DNAH11: variants seen among roughly 807,000 people sequenced by gnomAD.
The protein encoded by DNAH11 is dynein axonemal heavy chain 11.
A neutral mutation model predicts 526.0 loss-of-function variants in DNAH11; 442 were observed. The observed-to-expected ratio is 0.84, with a 90% CI of 0.78 to 0.91. DNAH11 has a LOEUF of 0.91. DNAH11 is among the 40% of genes least tolerant of loss of function. DNAH11 has a pLI of 0.00. For missense variants in DNAH11, 6,989 were observed against 5,448.7 expected, an observed-to-expected ratio of 1.28 and a Z score of -8.90; for synonymous variants, 2,461 against 1,935.9, an observed-to-expected ratio of 1.27 and a Z score of -7.12.
At position 21,543,582 on chromosome 7, in the gene DNAH11, GC is replaced by G; in HGVS notation, c.338del (p.Ala113GlyfsTer27). On this transcript the variant is annotated frameshift_variant, in exon 1 of 82. Coordinates refer to ENST00000409508, the MANE Select transcript of DNAH11 (RefSeq NM_001277115.2). LOFTEE classifies it high-confidence loss of function. ...TAGCTTCGCCGCCTCGGGGCGCCTT[GC>G]GGCTTCCCAGGAGGTAAGAGGCGAC... ...VFSFAASGRL[A>X]ASQEIPRDAN... 1 of 1,596,248 alleles carries G rather than the reference GC, an allele frequency of 6.3e-7. No individual in the cohort carries two copies. The highest frequency in any genetic ancestry group is 8.5e-7 in the Non-Finnish European group (1 of 1,171,112).
chr7:21,601,220 A>T, intron 17 of DNAH11, 41 bp downstream of exon 17: 1 of 1,559,222 alleles, frequency 6.4e-7, no homozygotes, highest in Non-Finnish European at 8.6e-7. Context: ...AACTTTCTAA[A>T]CTGCTTTCTA....
At chr7:21,864,758 A>G (rs1783208696) in intron 70 of DNAH11, 101 bp downstream of exon 70, 2 of 1,153,062 alleles carry the variant, frequency 1.7e-6, no homozygotes, top group African/African-American at 3.1e-5. Context: ...GTGATGTATT[A>G]AGCACCATTT....
At position 21,739,555 on chromosome 7, in the gene DNAH11, G is replaced by T. The variant is rs772861309; in HGVS notation, c.7812-16G>T. ...CTCCAGTTTTTGGATTTAAGGTTCT[G>T]TTTTCTGTCTTTCAGGTATGATAGA... On this transcript the variant is annotated splice_polypyrimidine_tract_variant and intron_variant, in intron 47 of 81. Transcript: ENST00000409508. The T allele has an allele frequency of 1.2e-6, 2 of 1,603,878 alleles. No homozygotes were observed. Among genetic ancestry groups the T allele is most frequent in the African/African-American group, 2.7e-5 (2 of 74,460 alleles).
intron 55 of DNAH11, among the ~76,000 whole-genome samples, chr7:21,767,218 G>C (rs769737619): frequency 2.6e-5 from 4 of 152,148 alleles, no homozygotes; most frequent in Non-Finnish European, 5.9e-5. Flanking sequence ...TCTTCTGATA[G>C]CAAATTTGTG....
In DNAH11 at chr7:21,861,925, A is replaced by G. The variant is rs1247510142; in HGVS notation, c.11275A>G (p.Ile3759Val). The G allele has an allele frequency of 1.9e-6, 3 of 1,613,698 alleles. No individual in the cohort carries two copies. The highest frequency in any genetic ancestry group is 3.3e-5 in the Admixed American group (2 of 59,998). The change falls in exon 69 of 82, where the codon ATC becomes GTC. Residue 3759 changes from isoleucine to valine, a missense_variant. Physicochemically the swap from Ile to Val is conservative, Grantham distance 29. Transcript: ENST00000409508. Reference protein sequence around the residue: ...KVEDMQGRISILMESITHAVF... With the variant: ...KVEDMQGRISVLMESITHAVF... ...GGAAGACATGCAGGGACGCATCTCT[A>G]TCCTGATGGAGAGCATCACCCATGC... is the stretch of plus-strand genomic sequence containing the variant.
chr7:21,628,492 A>G (rs1786454440), intron 25 of DNAH11, among the ~76,000 whole-genome samples: 2 of 152,088 alleles, frequency 1.3e-5, no homozygotes, highest in Non-Finnish European at 1.5e-5. Flanking sequence ...GAGGGTTTTT[A>G]TCATAAACGG....
chr7:21,589,087 C>T, intron 11 of DNAH11, 121 bp from the exon 12 acceptor site: 1 of 751,238 alleles, frequency 1.3e-6, no homozygotes, highest in Non-Finnish European at 1.9e-6. Flanking sequence ...TTGGTCTTGA[C>T]TGTTTCTCTT....
chr7:21,801,165 C>G lies in DNAH11; in HGVS notation c.10055C>G (p.Thr3352Arg). The G allele has an allele frequency of 6.2e-7, 1 of 1,611,190 alleles. No individual in the cohort carries two copies. Among genetic ancestry groups the G allele is most frequent in the Non-Finnish European group, 8.5e-7 (1 of 1,178,554 alleles). ...VDLDRNLSRL[T>R]ASFEKATAEK... ...CTGGATCGAAATCTGAGCAGACTCA[C>G]GGCTTCATTTGAAAAAGCAACAGCT... The change falls in exon 62 of 82, where the codon ACG (threonine) becomes AGG (arginine). Residue 3352 changes from threonine (T) to arginine (R), a missense_variant. Physicochemically the swap from Thr to Arg is moderately conservative, Grantham distance 71. Coordinates refer to ENST00000409508, the MANE Select transcript of DNAH11 (RefSeq NM_001277115.2).
In DNAH11 at chr7:21,872,123, C is replaced by CAAAAAAAAAAAAAAAAA. The variant is rs776718319; in HGVS notation, c.11968-1141_11968-1125dup. Among the ~76,000 whole-genome samples the CAAAAAAAAAAAAAAAAA allele has an allele frequency of 3.6e-3, 110 of 30,830 alleles. 31 individuals carry two copies. The highest frequency in any genetic ancestry group is 7.9e-3 in the Admixed American group (12 of 1,522). The allele number at this position is 30,830 out of a possible 152,430, so 20.2% of individuals were successfully genotyped here. ...TGGGTGACAGAGCGAGACTCTGTCT[C>CAAAAAAAAAAAAAAAAA]AAAAAAAAAAAAAAAAAAAAAAAAA... On this transcript the variant is annotated intron_variant, in intron 73 of 81. Transcript: ENST00000409508.
chr7:21,710,632 T>C lies in DNAH11; in HGVS notation c.6763T>C (p.Trp2255Arg). Reference sequence around the variant, plus strand: ...AAATCTTAAGCATGATGGACCAAAATGGATAGTCCTGGATGGCGATATTGA... The same window carrying C: ...AAATCTTAAGCATGATGGACCAAAACGGATAGTCCTGGATGGCGATATTGA... The part of the protein sequence containing the change: ...QANLKHDGPK[W>R]IVLDGDIDPM... The change falls in exon 41 of 82, where the codon TGG becomes CGG. Residue 2255 changes from tryptophan (W) to arginine (R), a missense_variant. Physicochemically the swap from Trp to Arg is moderately radical, Grantham distance 101. Transcript: ENST00000409508. 7.4e-6 allele frequency: 12 copies of C among 1,613,350 alleles called. No individual in the cohort carries two copies. The highest frequency in any genetic ancestry group is 1.0e-5 in the Non-Finnish European group (12 of 1,179,582).
At chr7:21,900,195 GT>G in intron 81 of DNAH11, 75 bp downstream of exon 81, 1 of 1,446,760 alleles carries the variant, frequency 6.9e-7, no homozygotes, top group Non-Finnish European at 9.2e-7. Context: ...TCTGCTTACT[GT>G]TTCTCAGCAT....
intron 63 of DNAH11, among the ~76,000 whole-genome samples, chr7:21,816,115 C>T (rs1789779217): frequency 6.6e-6 from 1 of 152,010 alleles, no homozygotes; most frequent in African/African-American, 2.4e-5. Context: ...GGGTGGGGGG[C>T]ATGGATTGCT....
intron 25 of DNAH11, among the ~76,000 whole-genome samples, chr7:21,621,244 C>G (rs112581629): frequency 0.029 from 4,345 of 152,244 alleles, 209 homozygotes; most frequent in African/African-American, 0.098. Context: ...AATTCCTCGA[C>G]ACATACACCC....
chr7:21,587,570 G>T (rs1465011051), intron 9 of DNAH11, among the ~76,000 whole-genome samples: 1 of 152,134 alleles, frequency 6.6e-6, no homozygotes, highest in Non-Finnish European at 1.5e-5. Flanking sequence ...GGGGGTGGCT[G>T]GGTCGTGTGG....
rs552023199 is a variant in DNAH11, at chr7:21,647,137, G to A, written c.4944+8072G>A. ...TGTGTGCTAGGACTTCCCAAAGTGCGGAACAAGAAGAAAGATAGAAAATAT... is the reference window on the plus strand; with the variant it reads ...TGTGTGCTAGGACTTCCCAAAGTGCAGAACAAGAAGAAAGATAGAAAATAT... On this transcript the variant is annotated intron_variant, in intron 28 of 81. Coordinates refer to ENST00000409508, the MANE Select transcript of DNAH11 (RefSeq NM_001277115.2). Among the ~76,000 whole-genome samples the A allele has an allele frequency of 1.3e-3, 197 of 152,124 alleles. 1 individual carries two copies. The highest frequency in any genetic ancestry group is 4.3e-3 in the African/African-American group (179 of 41,482).
intron 25 of DNAH11, among the ~76,000 whole-genome samples, chr7:21,624,978 G>C (rs1439573429): frequency 6.6e-6 from 1 of 151,866 alleles, no homozygotes; most frequent in Non-Finnish European, 1.5e-5. Context: ...GTTCATCAGG[G>C]ATATTGGCTT....
rs999203191 is a variant in DNAH11 at position 21,865,838 on chromosome 7, T to C, written c.11497-632T>C. On this transcript the variant is annotated intron_variant, in intron 70 of 81. Coordinates refer to ENST00000409508, the MANE Select transcript of DNAH11 (RefSeq NM_001277115.2). ...GGTTGCCCATTTTTATGGTTATTTC[T>C]TGTTGATATGCTAAACAAGGGGTGG... 2.6e-5 allele frequency among the ~76,000 whole-genome samples: 4 copies of C among 152,216 alleles called. No homozygotes were observed. The East Asian group carries it at 7.7e-4, about 29-fold the overall frequency.
Position 21,692,666 on chromosome 7 carries a change from T to C in DNAH11, c.6041+1785T>C, listed in dbSNP as rs563768428. 2.0e-5 allele frequency among the ~76,000 whole-genome samples: 3 copies of C among 152,322 alleles called. No homozygotes were observed. In the South Asian group the frequency reaches 6.2e-4, roughly 32 times the overall value. ...CGATGTTTACATGAACATATATTTT[T>C]ATTTCTTTGGGACAGATATCTATGG... On this transcript the variant is annotated intron_variant, in intron 35 of 81. Coordinates refer to ENST00000409508, the MANE Select transcript of DNAH11 (RefSeq NM_001277115.2).
At chr7:21,893,219 G>C (rs1191554840) in intron 77 of DNAH11, among the ~76,000 whole-genome samples, 1 of 152,340 alleles carries the variant, frequency 6.6e-6, no homozygotes, top group African/African-American at 2.4e-5. Flanking sequence ...GGGATTGCCA[G>C]ATAACAGGGT....
Sources: allele counts gnomAD v4.1 joint callset (sites outside exome capture counted in the v4.1 genomes callset), GRCh38; gene constraint gnomAD v4.1.1; transcripts MANE v1.5; gene names NCBI Gene and HGNC (gene_info 2026-07-23, HGNC 2026-07-21).